Variants in SATB2 observed in about 807,000 individuals in gnomAD.
The protein encoded by SATB2 is DNA-binding protein SATB2.
SATB2 carries 1 observed loss-of-function variant against 73.4 expected under a neutral mutation model. That is an observed-to-expected ratio of 0.01 (90% CI 0.00 to 0.06). The LOEUF is 0.06. Among genes scored for constraint, SATB2 ranks in the 10% least tolerant of loss-of-function variants. The pLI, the probability that SATB2 is intolerant of heterozygous loss-of-function variation, is 1.00. For synonymous variants in SATB2, 397 were observed against 367.0 expected, an observed-to-expected ratio of 1.08 and a Z score of -0.93; for missense variants, 459 against 945.8, an observed-to-expected ratio of 0.49 and a Z score of 6.75.
chr2:199,412,263 A>G (rs1292842081), intron 3 of SATB2, among the ~76,000 whole-genome samples: 1 of 152,218 alleles, frequency 6.6e-6, no homozygotes. Flanking sequence ...TCAGTCAGGA[A>G]GCAAATACTA....
intron 2 of SATB2, among the ~76,000 whole-genome samples, chr2:199,453,138 T>G (rs1371423565): frequency 6.6e-6 from 1 of 152,126 alleles, no homozygotes; most frequent in Non-Finnish European, 1.5e-5. Context: ...GCAGAATTTA[T>G]TACTGCAACC....
upstream of SATB2, among the ~76,000 whole-genome samples, chr2:199,459,388 C>G (rs1427072876): frequency 2.6e-5 from 4 of 152,264 alleles, no homozygotes; most frequent in Admixed American, 6.5e-5. The surrounding 1 kb of genome is among the most constrained non-coding windows in gnomAD (Gnocchi z 4.2). Flanking sequence ...GGGCACTAGC[C>G]GAGCAGGCTG....
intron 2 of SATB2, among the ~76,000 whole-genome samples, chr2:199,454,413 G>C (rs1692215219): frequency 6.6e-6 from 1 of 152,064 alleles, no homozygotes; most frequent in Admixed American, 6.5e-5. Flanking sequence ...CATACTCTAT[G>C]AATTTTTATT....
At chr2:199,275,370 A>T (rs1214796872) in intron 10 of SATB2, among the ~76,000 whole-genome samples, 1 of 152,202 alleles carries the variant, frequency 6.6e-6, no homozygotes, top group Non-Finnish European at 1.5e-5. Flanking sequence ...AAACAGAGAA[A>T]GAACAGTAAG....
chr2:199,409,295 T>C (rs1043412153), intron 3 of SATB2, among the ~76,000 whole-genome samples: 1 of 150,682 alleles, frequency 6.6e-6, no homozygotes, highest in Non-Finnish European at 1.5e-5. Context: ...TCAGCCTTCC[T>C]GAGTAGCTGG....
At chr2:199,305,077 G>A (rs1172881934) in intron 10 of SATB2, among the ~76,000 whole-genome samples, 1 of 152,148 alleles carries the variant, frequency 6.6e-6, no homozygotes, top group African/African-American at 2.4e-5. Context: ...AGAAATTGGA[G>A]CCATGGGGCA....
At chr2:199,434,029 T>A (rs17200971) in intron 2 of SATB2, among the ~76,000 whole-genome samples, 2,727 of 152,210 alleles carry the variant, frequency 0.018, 47 homozygotes, top group South Asian at 0.036. Context: ...TCCTTCCTAC[T>A]AAGGTGGTAT....
chr2:199,336,951 G>A (rs1421158765), intron 7 of SATB2, among the ~76,000 whole-genome samples: 2 of 152,120 alleles, frequency 1.3e-5, no homozygotes, highest in Admixed American at 1.3e-4. Flanking sequence ...GGGTCCCCTA[G>A]AGAGCTTCTA....
At chr2:199,373,881 A>G (rs1194816151) in intron 5 of SATB2, among the ~76,000 whole-genome samples, 1 of 152,206 alleles carries the variant, frequency 6.6e-6, no homozygotes, top group Non-Finnish European at 1.5e-5. Context: ...ATGCATCCCC[A>G]CTACATACAT....
chr2:199,302,127 T>A (rs1019623961), intron 10 of SATB2, among the ~76,000 whole-genome samples: 3 of 152,226 alleles, frequency 2.0e-5, no homozygotes, highest in Non-Finnish European at 1.5e-5. Context: ...GCCTGCCTAC[T>A]TTTTAAATTG....
intron 7 of SATB2, chr2:199,347,675 C>T (rs1688695426): frequency 6.6e-6 from 1 of 152,116 alleles, no homozygotes; most frequent in Non-Finnish European, 1.5e-5. Context: ...TGGAAGTATT[C>T]CTCACCTCCA....
intron 3 of SATB2, among the ~76,000 whole-genome samples, chr2:199,401,005 A>G (rs1385836635): frequency 1.3e-5 from 2 of 152,194 alleles, no homozygotes; most frequent in Non-Finnish European, 2.9e-5. Context: ...TAATTCAATC[A>G]GGTGTATTTT....
intron 3 of SATB2, among the ~76,000 whole-genome samples, chr2:199,430,196 A>G (rs549087331): frequency 1.3e-5 from 2 of 152,312 alleles, no homozygotes; most frequent in South Asian, 4.1e-4. Context: ...TGAAAAGGAA[A>G]GAAGAAAGAA....
intron 1 of SATB2, among the ~76,000 whole-genome samples, chr2:199,456,775 T>C (rs553713955): frequency 6.6e-6 from 1 of 152,246 alleles, no homozygotes. Context: ...AGCGTTCTTA[T>C]CTTCATCTGA....
intron 2 of SATB2, among the ~76,000 whole-genome samples, chr2:199,445,124 G>A (rs1044424696): frequency 6.6e-6 from 1 of 152,108 alleles, no homozygotes; most frequent in Non-Finnish European, 1.5e-5. Context: ...TTGGGTACAT[G>A]GACTGTATTT....
chr2:199,313,943 G>A (rs186499001), intron 9 of SATB2, among the ~76,000 whole-genome samples: 2 of 152,216 alleles, frequency 1.3e-5, no homozygotes, highest in East Asian at 1.9e-4. Flanking sequence ...TTACTCACAG[G>A]TACACTCTCA....
chr2:199,443,304 A>G (rs1169886825), intron 2 of SATB2, among the ~76,000 whole-genome samples: 1 of 152,172 alleles, frequency 6.6e-6, no homozygotes, highest in East Asian at 1.9e-4. Context: ...GGTTAACAGT[A>G]CTGAGGTCCT....
intron 2 of SATB2, among the ~76,000 whole-genome samples, chr2:199,433,737 C>T (rs1004135925): frequency 4.6e-5 from 7 of 151,956 alleles, no homozygotes; most frequent in African/African-American, 1.2e-4. Context: ...CTTAGATTCC[C>T]GTCATTTTCA....
At chr2:199,380,864 A>G (rs1186377457) in intron 4 of SATB2, among the ~76,000 whole-genome samples, 1 of 152,198 alleles carries the variant, frequency 6.6e-6, no homozygotes, top group East Asian at 1.9e-4. Flanking sequence ...ATCCCCTGTC[A>G]GATTTGCAGT....
Sources: allele counts gnomAD v4.1 joint callset (sites outside exome capture counted in the v4.1 genomes callset), GRCh38; gene constraint gnomAD v4.1.1; non-coding constraint Gnocchi (gnomAD v3.1); transcripts MANE v1.5; gene names NCBI Gene and HGNC (gene_info 2026-07-23, HGNC 2026-07-21).